ADAMTS17: variants seen among roughly 807,000 people sequenced by gnomAD.
ADAMTS17 encodes the protein ADAM metallopeptidase with thrombospondin type 1 motif 17.
Under a neutral mutation model 141.5 loss-of-function variants are expected in ADAMTS17, and 113 were observed. That is an observed-to-expected ratio of 0.80 (90% CI 0.69 to 0.93). The LOEUF (loss-of-function observed/expected upper bound fraction) is 0.93. Among genes scored for constraint, ADAMTS17 ranks in the 40% least tolerant of loss-of-function variants. ADAMTS17 has a pLI of 0.00. For missense variants in ADAMTS17, 1,659 were observed against 1,517.9 expected (o/e 1.09, Z -1.54); for synonymous variants, 768 against 630.6 (o/e 1.22, Z -3.27).
chr15:100,126,320 T>G (rs750000550), intron 12 of ADAMTS17: 6 of 152,210 alleles, frequency 3.9e-5, no homozygotes, highest in Non-Finnish European at 5.9e-5. Flanking sequence ...AAAAGGAGCA[T>G]GTTGTTTTCA....
rs898754525 is a variant in ADAMTS17 at position 100,154,629 on chromosome 15, A to C, written c.1322+551T>G. On this transcript the variant is annotated intron_variant, in intron 9 of 21. Coordinates refer to ENST00000268070, the MANE Select transcript of ADAMTS17 (RefSeq NM_139057.4). ...GCACCGTCCACAGGTACAGACTGTG[A>C]CAAAGGTCTGAAATCAGATGGCAGA... 1.1e-4 allele frequency among the ~76,000 whole-genome samples: 17 copies of C among 152,318 alleles called. No homozygotes were observed. The East Asian group carries it at 1.9e-3, about 17-fold the overall frequency.
rs551722707 is a variant in ADAMTS17, at chr15:100,230,225, G to A, written c.1075+23911C>T. The stretch of plus-strand genomic sequence containing the variant: ...AAACACGTCACGAATGACACCCGCG[G>A]TGCACGAAAGCCACACTTGCAGACC... On this transcript the variant is annotated intron_variant, in intron 7 of 21. Transcript: ENST00000268070. Among the ~76,000 whole-genome samples, 5 of 152,352 alleles carry A rather than the reference G, an allele frequency of 3.3e-5. No homozygotes were observed. In the South Asian group the frequency reaches 1.0e-3, roughly 32 times the overall value.
rs137908164 is a variant in ADAMTS17, at chr15:99,982,204, G to A, written c.2950-5982C>T. Among the ~76,000 whole-genome samples the A allele has an allele frequency of 2.2e-3, 329 of 152,364 alleles. 1 individual carries two copies. The highest frequency in any genetic ancestry group is 7.5e-3 in the African/African-American group (313 of 41,592). The stretch of plus-strand genomic sequence containing the variant: ...AATCCTGCTGTTATTATTCTCAACA[G>A]TGAATGCACGGCCAAGCGCCACAGC... On this transcript the variant is annotated intron_variant, in intron 20 of 21. Transcript: ENST00000268070.
intron 18 of ADAMTS17, among the ~76,000 whole-genome samples, chr15:100,018,145 T>C (rs1251685546): frequency 6.6e-6 from 1 of 151,834 alleles, no homozygotes; most frequent in African/African-American, 2.4e-5. Context: ...CTAGATGCCT[T>C]ATATAAGCGG....
At chr15:100,144,563 T>A (rs1398674045) in intron 10 of ADAMTS17, among the ~76,000 whole-genome samples, 2 of 150,782 alleles carry the variant, frequency 1.3e-5, no homozygotes, top group Non-Finnish European at 3.0e-5. Flanking sequence ...AAAAAAAAAA[T>A]CTGTGATTCC....
intron 3 of ADAMTS17, among the ~76,000 whole-genome samples, chr15:100,319,421 T>C (rs1205987022): frequency 6.6e-6 from 1 of 152,070 alleles, no homozygotes; most frequent in Non-Finnish European, 1.5e-5. Context: ...CCTCAAGAAA[T>C]TCAGAAGCTG....
At chr15:100,274,282 A>G (rs907622557) in intron 4 of ADAMTS17, among the ~76,000 whole-genome samples, 1 of 152,212 alleles carries the variant, frequency 6.6e-6, no homozygotes, top group Non-Finnish European at 1.5e-5. Flanking sequence ...GAAATCTCCA[A>G]CTATTATTGT....
chr15:100,178,950 C>G (rs2141515280), intron 8 of ADAMTS17, among the ~76,000 whole-genome samples: 1 of 152,172 alleles, frequency 6.6e-6, no homozygotes, highest in South Asian at 2.1e-4. Context: ...TACATTGTTC[C>G]CAATTTTTTT....
rs765427198 is a variant in ADAMTS17 at position 100,152,654 on chromosome 15, C to A, written c.1431G>T (p.Gln477His). 4 of 1,614,046 alleles carry A rather than the reference C, an allele frequency of 2.5e-6. No homozygotes were observed. The Admixed American group carries it at 6.7e-5, about 27-fold the overall frequency. The change falls in exon 10 of 22, where the codon CAG becomes CAT. Residue 477 changes from glutamine to histidine, a missense_variant. Gln to His is a conservative substitution (Grantham distance 24). Transcript: ENST00000268070. ...GMHYSANEQCQILFGMNATFC... is the reference protein window; with the variant it reads ...GMHYSANEQCHILFGMNATFC... Reference sequence around the variant, plus strand: ...AGGTGGCATTCATGCCAAACAGGATCTGGCACTGCTCGTTGGCACTGTAGT... The same window carrying A: ...AGGTGGCATTCATGCCAAACAGGATATGGCACTGCTCGTTGGCACTGTAGT...
intron 7 of ADAMTS17, among the ~76,000 whole-genome samples, chr15:100,218,882 A>AACGTCCACCTGAACACGCAC (rs149291907): frequency 1.3e-5 from 2 of 151,534 alleles, no homozygotes; most frequent in Non-Finnish European, 2.9e-5. Context: ...TGAACACGCA[A>AACGTCCACCTGAACACGCAC]ACGTCCACCT....
intron 18 of ADAMTS17, among the ~76,000 whole-genome samples, chr15:100,010,162 C>T (rs534837656): frequency 5.5e-4 from 84 of 152,332 alleles, no homozygotes; most frequent in African/African-American, 1.9e-3. Context: ...AACTGTGAGG[C>T]CTCCCCTGCC....
chr15:100,211,141 A>T (rs995115404), intron 7 of ADAMTS17, among the ~76,000 whole-genome samples: 21 of 148,626 alleles, frequency 1.4e-4, no homozygotes, highest in African/African-American at 5.3e-4. Context: ...TAAATAAATA[A>T]AAATACAAAA....
At chr15:100,172,175 T>C (rs74873860) in intron 8 of ADAMTS17, among the ~76,000 whole-genome samples, 1,886 of 152,314 alleles carry the variant, frequency 0.012, 30 homozygotes, top group East Asian at 0.06. Context: ...GGTTCCCAAG[T>C]GTGGCTGCAC....
intron 3 of ADAMTS17, among the ~76,000 whole-genome samples, chr15:100,294,370 G>C (rs1458230370): frequency 6.6e-6 from 1 of 152,102 alleles, no homozygotes; most frequent in East Asian, 1.9e-4. Context: ...TACTCTGCAG[G>C]AGGCATGAAA....
intron 7 of ADAMTS17, among the ~76,000 whole-genome samples, chr15:100,220,360 C>T (rs1162921658): frequency 2.1e-5 from 3 of 144,154 alleles, no homozygotes; most frequent in Non-Finnish European, 3.1e-5. Context: ...CTTGTCTTTG[C>T]CACCTTTCTT....
Position 100,330,937 on chromosome 15 carries a change from G to C in ADAMTS17, c.568C>G (p.Pro190Ala). 2 of 1,614,162 alleles carry C rather than the reference G, an allele frequency of 1.2e-6. No homozygotes were observed. The highest frequency in any genetic ancestry group is 1.7e-6 in the Non-Finnish European group (2 of 1,180,050). The change falls in exon 3 of 22, where the codon CCT (proline) becomes GCT (alanine). Residue 190 changes from proline to alanine, a missense_variant. Coordinates refer to ENST00000268070, the MANE Select transcript of ADAMTS17 (RefSeq NM_139057.4). Reference protein sequence around the residue: ...IRRKWSLTPSPSAEAQRPEQL... With the variant: ...IRRKWSLTPSASAEAQRPEQL... ...TCAGGTCTCTGGGCCTCAGCAGAAG[G>C]GCTGGGGGTCAAGGACCATTTGCGC...
At chr15:100,097,768 G>C (rs2035851236) in intron 14 of ADAMTS17, among the ~76,000 whole-genome samples, 1 of 152,258 alleles carries the variant, frequency 6.6e-6, no homozygotes, top group Admixed American at 6.5e-5. Flanking sequence ...TGCTGAGGCT[G>C]CTTGCCGGGG....
At chr15:99,974,588 CA>C in intron 21 of ADAMTS17, 26 bp from the exon 22 acceptor site, 3 of 1,614,108 alleles carry the variant, frequency 1.9e-6, no homozygotes, top group Non-Finnish European at 2.5e-6. Flanking sequence ...AGAGAATACC[CA>C]GGGTCAGGGA....
chr15:100,307,871 A>G (rs929760775), intron 3 of ADAMTS17, among the ~76,000 whole-genome samples: 5 of 152,244 alleles, frequency 3.3e-5, no homozygotes, highest in Non-Finnish European at 7.3e-5. Flanking sequence ...AGTCTTGCTC[A>G]TCTATAATGG....
Sources: allele counts gnomAD v4.1 joint callset (sites outside exome capture counted in the v4.1 genomes callset), GRCh38; gene constraint gnomAD v4.1.1; transcripts MANE v1.5; gene names NCBI Gene and HGNC (gene_info 2026-07-23, HGNC 2026-07-21).